Variants in TAMALIN observed in about 807,000 individuals in gnomAD.
The protein encoded by TAMALIN is protein TAMALIN.
In TAMALIN, 9 loss-of-function variants were observed where a neutral mutation model predicts 38.5. The observed-to-expected ratio is 0.23, with a 90% CI of 0.14 to 0.41. TAMALIN has a LOEUF of 0.41. TAMALIN is among the 10% of genes least tolerant of loss of function. The probability of loss-of-function intolerance (pLI) is 1.00; values close to 1 mark genes in which losing one functional copy is unlikely to be tolerated. For synonymous variants in TAMALIN, 306 were observed against 256.5 expected (o/e 1.19, Z -1.85); for missense variants, 548 against 554.1 (o/e 0.99, Z 0.11).
rs897484397 is a variant in TAMALIN, at chr12:52,007,559, G to GC, written c.246+300dup. On this transcript the variant is annotated intron_variant, in intron 1 of 7. Transcript: ENST00000293662. This position sits in a 1 kb window ranked among gnomAD's most constrained non-coding sequence, Gnocchi z 6.7. The stretch of plus-strand genomic sequence containing the variant: ...TCCTACCCGCTCCATCTGGCTTTCT[G>GC]CCCCCCATGCCCCGCCTCCCCGTGG... The GC allele has an allele frequency of 1.5e-4, 144 of 982,952 alleles. No homozygotes were observed. The Admixed American group carries it at 1.8e-3, about 12-fold the overall frequency. The allele number at this position is 982,952 out of a possible 1,614,324, so 60.9% of individuals were successfully genotyped here.
rs761269915 is a variant in TAMALIN at position 52,013,948 on chromosome 12, G to A, written c.615+5G>A. 4 of 1,613,944 alleles carry A rather than the reference G, an allele frequency of 2.5e-6. No homozygotes were observed. The highest frequency in any genetic ancestry group is 2.2e-5 in the South Asian group (2 of 91,070). ...GCTCGTCTGCAGTACCTGAAGGTAG[G>A]GGAACCTAGATAACGTCCAGCCTCC... On this transcript the variant is annotated splice_donor_5th_base_variant and intron_variant, in intron 6 of 7. Coordinates refer to ENST00000293662, the MANE Select transcript of TAMALIN (RefSeq NM_181711.4).
intron 4 of TAMALIN, among the ~76,000 whole-genome samples, chr12:52,012,576 A>G (rs1280139083): frequency 6.6e-6 from 1 of 152,162 alleles, no homozygotes; most frequent in Admixed American, 6.5e-5. Flanking sequence ...TAAAGGTCCT[A>G]CCATCTCTCA....
chr12:52,013,909 A>G lies in TAMALIN; in HGVS notation c.581A>G (p.Lys194Arg). The change falls in exon 6 of 8, where the codon AAG becomes AGG. Residue 194 changes from lysine (K) to arginine (R), a missense_variant. By Grantham distance (26) the Lys-to-Arg change is conservative. This residue lies in a region of TAMALIN where 415 missense variants were observed against 417.0 expected (regional missense o/e 1.00). Transcript: ENST00000293662. ...ACTCTATATGGGACATCAATTCGGA[A>G]GGCAGAACTGGAGGCTCGTCTGCAG... ...LETLYGTSIR[K>R]AELEARLQYL... is the part of the protein sequence containing the mutation. The G allele has an allele frequency of 6.2e-7, 1 of 1,614,150 alleles. No individual in the cohort carries two copies. The highest frequency in any genetic ancestry group is 1.1e-5 in the South Asian group (1 of 91,086).
chr12:52,009,324 G>A, intron 2 of TAMALIN, 85 bp downstream of exon 2: 1 of 1,331,878 alleles, frequency 7.5e-7, no homozygotes, highest in Non-Finnish European at 1.1e-6. Flanking sequence ...TCTCAGCCTA[G>A]CGAGGGTAGT....
Position 52,013,682 on chromosome 12 carries a change from G to C in TAMALIN, c.455-5G>C. ...GCAAATCTAACCCCCTTGTCTGCCT[G>C]GCAGGGGACACCATCGCCAGCGTCA... On this transcript the variant is annotated splice_polypyrimidine_tract_variant and splice_region_variant and intron_variant, in intron 4 of 7. Coordinates refer to ENST00000293662, the MANE Select transcript of TAMALIN (RefSeq NM_181711.4). 1 of 1,613,836 alleles carries C rather than the reference G, an allele frequency of 6.2e-7. No homozygotes were observed. The highest frequency in any genetic ancestry group is 8.5e-7 in the Non-Finnish European group (1 of 1,179,774).
Position 52,006,995 on chromosome 12 carries a change from C to A in TAMALIN, c.-25C>A. On this transcript the variant is annotated 5_prime_UTR_variant, in exon 1 of 8. It adds an upstream start codon to the 5' untranslated region. Transcript: ENST00000293662. ...CCGCCGAGGGGAGCCAGCGCCGTCT[C>A]TGAGGGGCGTCCGGCGCCGGAGCCA... 7.3e-7 allele frequency: 1 copy of A among 1,363,408 alleles called. No homozygotes were observed. Among genetic ancestry groups the A allele is most frequent in the South Asian group, 1.7e-5 (1 of 57,720 alleles). The allele number at this position is 1,363,408 out of a possible 1,614,324, so 84.5% of individuals were successfully genotyped here.
intron 2 of TAMALIN, 98 bp from the exon 3 acceptor site, chr12:52,010,783 G>T (rs147950249): frequency 0.014 from 17,357 of 1,270,446 alleles, 172 homozygotes; most frequent in Non-Finnish European, 0.017. Context: ...AGTCCTGCTG[G>T]AATGTTCTAG....
In TAMALIN at chr12:52,015,206, G is replaced by A. The variant is rs1937779829; in HGVS notation, c.*7G>A. ...GGAGGAGAGCCAGCTGTAGGGGCGG[G>A]GGCGGGCAGGGAGGTATTTATTTAT... On this transcript the variant is annotated 3_prime_UTR_variant, in exon 8 of 8. Transcript: ENST00000293662. 2 of 1,581,984 alleles carry A rather than the reference G, an allele frequency of 1.3e-6. No homozygotes were observed. Among genetic ancestry groups the A allele is most frequent in the South Asian group, 1.1e-5 (1 of 89,958 alleles).
intron 4 of TAMALIN, 185 bp from the exon 5 acceptor site, chr12:52,013,502 G>C: frequency 1.7e-6 from 1 of 603,504 alleles, no homozygotes; most frequent in Non-Finnish European, 3.0e-6. Flanking sequence ...GTGGTTCTGT[G>C]TGTTTGGATC....
rs1236670187 is a variant in TAMALIN at position 52,014,940 on chromosome 12, C to T, written c.929C>T (p.Pro310Leu). Residue 310 changes from proline (P) to leucine (L), a missense_variant, in exon 8 of 8, where the codon CCG becomes CTG. Transcript: ENST00000293662. Reference protein sequence around the residue: ...PPPPPARAFGPGPAETPAVGP... With the variant: ...PPPPPARAFGLGPAETPAVGP... ...CCGCCCCCGGCCCGCGCCTTCGGCC[C>T]GGGCCCCGCCGAGACCCCTGCCGTG... 12 of 1,000,820 alleles carry T rather than the reference C, an allele frequency of 1.2e-5. 1 individual carries two copies. The highest frequency in any genetic ancestry group is 4.5e-5 in the South Asian group (1 of 22,298). 62.0% of individuals were successfully genotyped at this position (1,000,820 alleles called of 1,614,324 possible).
rs1811333300 is a variant in TAMALIN at position 52,011,333 on chromosome 12, A to G, written c.454+192A>G. ...TGCCATGTACTGTGTGATCTTGCAC[A>G]GCCCCATCTACAAAATGAGGGTAAT... On this transcript the variant is annotated intron_variant, in intron 4 of 7. Transcript: ENST00000293662. The surrounding 1 kb of genome is among the most constrained non-coding windows in gnomAD (Gnocchi z 5.3). 2 of 859,204 alleles carry G rather than the reference A, an allele frequency of 2.3e-6. No individual in the cohort carries two copies. Among genetic ancestry groups the G allele is most frequent in the African/African-American group, 3.4e-5 (2 of 59,490 alleles). 53.2% of individuals were successfully genotyped at this position (859,204 alleles called of 1,614,324 possible).
intron 1 of TAMALIN, chr12:52,008,891 C>A (rs112907263): frequency 1.6e-5 from 6 of 364,182 alleles, no homozygotes; most frequent in African/African-American, 1.1e-4. Context: ...GAATAATGAT[C>A]TCCCCACCTG....
rs867581566 is a variant in TAMALIN, at chr12:52,007,092, A to G, written c.73A>G (p.Thr25Ala). The G allele has an allele frequency of 6.8e-7, 1 of 1,476,882 alleles. No homozygotes were observed. The highest frequency in any genetic ancestry group is 2.4e-4 in the Middle Eastern group (1 of 4,212). 91.5% of individuals were successfully genotyped at this position (1,476,882 alleles called of 1,614,324 possible). Residue 25 changes from threonine (T) to alanine (A), a missense_variant, in exon 1 of 8, where the codon ACT becomes GCT. Physicochemically the swap from Thr to Ala is moderately conservative, Grantham distance 58. Transcript: ENST00000293662. This position sits in a 1 kb window ranked among gnomAD's most constrained non-coding sequence, Gnocchi z 6.7. Reference protein sequence around the residue: ...AAATPDPAARTPDSEVAPAAP... With the variant: ...AAATPDPAARAPDSEVAPAAP... ...GGCCACCCCGGACCCCGCCGCCCGGACTCCCGACTCGGAAGTCGCGCCCGC... is the reference window on the plus strand; with the variant it reads ...GGCCACCCCGGACCCCGCCGCCCGGGCTCCCGACTCGGAAGTCGCGCCCGC...
At chr12:52,012,387 G>T (rs949576460) in intron 4 of TAMALIN, among the ~76,000 whole-genome samples, 2 of 152,160 alleles carry the variant, frequency 1.3e-5, no homozygotes, top group Admixed American at 6.5e-5. Context: ...CCGAGTAGCT[G>T]GGATTACAGG....
chr12:52,007,334 C>A lies in TAMALIN; in HGVS notation c.246+69C>A. On this transcript the variant is annotated intron_variant, in intron 1 of 7. Transcript: ENST00000293662. The surrounding 1 kb of genome is among the most constrained non-coding windows in gnomAD (Gnocchi z 6.7). Reference sequence around the variant, plus strand: ...GACTCCCTACAGGGCCTGCTGACTCCGCAGTGCCCTCTCCTCGGCGTCCGC... The same window carrying A: ...GACTCCCTACAGGGCCTGCTGACTCAGCAGTGCCCTCTCCTCGGCGTCCGC... 7.5e-7 allele frequency: 1 copy of A among 1,337,656 alleles called. No homozygotes were observed. Among genetic ancestry groups the A allele is most frequent in the East Asian group, 2.9e-5 (1 of 35,022 alleles). The allele number at this position is 1,337,656 out of a possible 1,614,324, so 82.9% of individuals were successfully genotyped here.
At position 52,011,737 on chromosome 12, in the gene TAMALIN, A is replaced by G. The variant is rs752196887; in HGVS notation, c.454+596A>G. ...CCTCTTGCCTCTGCCTCCCAAAGCA[A>G]TATGTTACTTCCTCTAACAAGGAAA... is the stretch of plus-strand genomic sequence containing the variant. On this transcript the variant is annotated intron_variant, in intron 4 of 7. Transcript: ENST00000293662. The surrounding 1 kb of genome is among the most constrained non-coding windows in gnomAD (Gnocchi z 5.3). 2.0e-5 allele frequency among the ~76,000 whole-genome samples: 3 copies of G among 151,936 alleles called. No individual in the cohort carries two copies. The highest frequency in any genetic ancestry group is 2.9e-5 in the Non-Finnish European group (2 of 67,978).
intron 3 of TAMALIN, 31 bp downstream of exon 3, chr12:52,010,966 G>A (rs1937630793): frequency 1.2e-6 from 2 of 1,613,980 alleles, no homozygotes; most frequent in Non-Finnish European, 1.7e-6. Context: ...GGGTCAGGGG[G>A]GTTGGATGAC....
At chr12:52,010,483 G>C (rs1942484578) in intron 2 of TAMALIN, 1 of 1,034,818 alleles carries the variant, frequency 9.7e-7, no homozygotes, top group Non-Finnish European at 1.2e-6. Flanking sequence ...GGCCTCTGGG[G>C]GTGGGGCCAG....
At position 52,010,916 on chromosome 12, in the gene TAMALIN, C is replaced by G. The variant is rs779961496; in HGVS notation, c.332C>G (p.Thr111Ser). Residue 111 changes from threonine (T) to serine (S), a missense_variant, in exon 3 of 8, where the codon ACC becomes AGC. Physicochemically the swap from Thr to Ser is moderately conservative, Grantham distance 58. Coordinates refer to ENST00000293662, the MANE Select transcript of TAMALIN (RefSeq NM_181711.4). ...VLTLEKEDNQ[T>S]FGFEIQTYGL... is the part of the protein sequence containing the mutation. Reference sequence around the variant, plus strand: ...ACGTTGGAGAAGGAGGATAACCAGACCTTCGGCTTTGAGATCCAGGTGGGA... The same window carrying G: ...ACGTTGGAGAAGGAGGATAACCAGAGCTTCGGCTTTGAGATCCAGGTGGGA... 2.5e-6 allele frequency: 4 copies of G among 1,614,072 alleles called. No individual in the cohort carries two copies. The highest frequency in any genetic ancestry group is 2.7e-5 in the African/African-American group (2 of 74,936).
Sources: gnomAD v4.1 joint callset for allele counts (sites outside exome capture counted in the v4.1 genomes callset) on GRCh38, gnomAD v4.1.1 for gene constraint, gnomAD v4.1.1 regional missense constraint, Gnocchi (gnomAD v3.1) non-coding constraint, MANE v1.5 for transcripts, NCBI Gene and HGNC (gene_info 2026-07-23, HGNC 2026-07-21) for gene names.